TCF4: variants seen among roughly 807,000 people sequenced by gnomAD.
TCF4 encodes SL3-3 enhancer factor 2.
TCF4 carries 3 observed loss-of-function variants against 82.1 expected under a neutral mutation model. That is an observed-to-expected ratio of 0.04 (90% CI 0.02 to 0.09). The LOEUF (loss-of-function observed/expected upper bound fraction) is 0.09, where lower values mean the gene tolerates loss of function less well. Ranked by LOEUF, TCF4 falls within the 10% of genes least tolerant of loss-of-function variation. TCF4 has a pLI of 1.00. For missense variants in TCF4, 518 were observed against 852.7 expected (o/e 0.61, Z 4.89); for synonymous variants, 276 against 309.6 (o/e 0.89, Z 1.14).
chr18:55,519,898 T>C (rs1274516494), intron 3 of TCF4, among the ~76,000 whole-genome samples: 1 of 152,192 alleles, frequency 6.6e-6, no homozygotes, highest in African/African-American at 2.4e-5. Context: ...TGCTAAATGA[T>C]TCTAAAAAGA....
intron 3 of TCF4, among the ~76,000 whole-genome samples, chr18:55,473,263 A>C (rs2096225400): frequency 6.6e-6 from 1 of 152,106 alleles, no homozygotes; most frequent in Admixed American, 6.6e-5. Flanking sequence ...AGGCTGGCTT[A>C]ATTGAAATAT....
At chr18:55,470,529 T>C (rs570311219) in intron 3 of TCF4, among the ~76,000 whole-genome samples, 2 of 152,322 alleles carry the variant, frequency 1.3e-5, no homozygotes, top group South Asian at 2.1e-4. Flanking sequence ...AAATGACATG[T>C]TGTCAGAAGT....
intron 3 of TCF4, among the ~76,000 whole-genome samples, chr18:55,519,833 G>C (rs1421591717): frequency 6.6e-6 from 1 of 152,132 alleles, no homozygotes; most frequent in Admixed American, 6.5e-5. Flanking sequence ...TTTCCCAACT[G>C]CAAAAGCAAG....
At chr18:55,293,250 G>A (rs975800681) in intron 8 of TCF4, among the ~76,000 whole-genome samples, 1 of 152,114 alleles carries the variant, frequency 6.6e-6, no homozygotes, top group African/African-American at 2.4e-5. Context: ...TAGTAGAGAG[G>A]ACAAGATGAT....
intron 8 of TCF4, among the ~76,000 whole-genome samples, chr18:55,305,794 T>C (rs2070099127): frequency 6.6e-6 from 1 of 152,200 alleles, no homozygotes; most frequent in Non-Finnish European, 1.5e-5. Flanking sequence ...GTATTTTTAA[T>C]CAAGTGATTC....
At chr18:55,552,975 G>C (rs1426336598) in intron 3 of TCF4, among the ~76,000 whole-genome samples, 1 of 152,180 alleles carries the variant, frequency 6.6e-6, no homozygotes, top group African/African-American at 2.4e-5. Flanking sequence ...ATTTGCACTT[G>C]CGTACATTAT....
At chr18:55,592,431 G>C (rs2147928016), upstream of TCF4, among the ~76,000 whole-genome samples, 1 of 152,240 alleles carries the variant, frequency 6.6e-6, no homozygotes, top group African/African-American at 2.4e-5. Flanking sequence ...GAAAGAGAGA[G>C]CTTTGGTCTT....
intron 2 of TCF4, among the ~76,000 whole-genome samples, chr18:55,611,245 C>A (rs146621459): frequency 6.6e-6 from 1 of 152,180 alleles, no homozygotes; most frequent in South Asian, 2.1e-4. Context: ...AGGAGTGTGA[C>A]AGATCACAAC....
intron 3 of TCF4, among the ~76,000 whole-genome samples, chr18:55,566,416 T>A (rs2097407246): frequency 6.6e-6 from 1 of 152,086 alleles, no homozygotes; most frequent in African/African-American, 2.4e-5. Flanking sequence ...ACTTGTACCC[T>A]ATAAATTTAT....
intron 3 of TCF4, among the ~76,000 whole-genome samples, chr18:55,498,190 T>G (rs1330713074): frequency 6.6e-6 from 1 of 152,182 alleles, no homozygotes; most frequent in Non-Finnish European, 1.5e-5. Flanking sequence ...CTGCTGTTGC[T>G]CCCTGCCAGG....
At chr18:55,433,078 AT>A (rs1264713439) in intron 5 of TCF4, among the ~76,000 whole-genome samples, 1 of 152,206 alleles carries the variant, frequency 6.6e-6, no homozygotes, top group African/African-American at 2.4e-5. Context: ...TATCATCTCG[AT>A]AACTTATATT....
Position 55,297,037 on chromosome 18 carries a change from G to A in TCF4, c.550-17381C>T, listed in dbSNP as rs377288544. On this transcript the variant is annotated intron_variant, in intron 8 of 19. Transcript: ENST00000354452. ...CTATTTTTCAACCCATATGTATTTCGAGAGAAGCTTAATTCATATGTTTCT... is the reference window on the plus strand; with the variant it reads ...CTATTTTTCAACCCATATGTATTTCAAGAGAAGCTTAATTCATATGTTTCT... 9.2e-5 allele frequency among the ~76,000 whole-genome samples: 14 copies of A among 151,788 alleles called. No homozygotes were observed. In the East Asian group the frequency reaches 1.2e-3, roughly 13 times the overall value.
intron 6 of TCF4, among the ~76,000 whole-genome samples, chr18:55,390,943 G>A (rs768103658): frequency 4.6e-5 from 7 of 152,178 alleles, no homozygotes; most frequent in Non-Finnish European, 8.8e-5. Context: ...AGACTCAAGC[G>A]AGTCTTACGT....
intron 5 of TCF4, among the ~76,000 whole-genome samples, chr18:55,406,318 A>T (rs888663749): frequency 6.6e-6 from 1 of 152,038 alleles, no homozygotes; most frequent in Non-Finnish European, 1.5e-5. Context: ...TCAGAGCCAG[A>T]ACCCCTGTTT....
chr18:55,377,410 C>T (rs1373180071), intron 6 of TCF4, among the ~76,000 whole-genome samples: 1 of 152,124 alleles, frequency 6.6e-6, no homozygotes, highest in East Asian at 1.9e-4. Flanking sequence ...GCTTCCTCTA[C>T]CTAATGGACA....
At chr18:55,245,267 T>C (rs545925535) in intron 15 of TCF4, among the ~76,000 whole-genome samples, 58 of 152,332 alleles carry the variant, frequency 3.8e-4, no homozygotes, top group Non-Finnish European at 6.9e-4. Context: ...ACAGCCATAA[T>C]AAAAGTTAAA....
intron 5 of TCF4, among the ~76,000 whole-genome samples, chr18:55,445,953 GC>G (rs1387754418): frequency 1.3e-5 from 2 of 152,254 alleles, no homozygotes; most frequent in East Asian, 3.9e-4. Flanking sequence ...CCCAACCATG[GC>G]TCTAAGAGTT....
At chr18:55,293,220 T>A (rs551586957) in intron 8 of TCF4, among the ~76,000 whole-genome samples, 8 of 152,132 alleles carry the variant, frequency 5.3e-5, no homozygotes, top group African/African-American at 1.9e-4. Context: ...CAAGGGCCCA[T>A]CTGTAGGCAG....
chr18:55,433,885 C>T (rs1015285248), intron 5 of TCF4, among the ~76,000 whole-genome samples: 8 of 152,074 alleles, frequency 5.3e-5, no homozygotes, highest in Non-Finnish European at 8.8e-5. Context: ...TCCATGCGCA[C>T]GACACTGACA....
Sources: gnomAD v4.1 joint callset for allele counts (sites outside exome capture counted in the v4.1 genomes callset) on GRCh38, gnomAD v4.1.1 for gene constraint, MANE v1.5 for transcripts, NCBI Gene and HGNC (gene_info 2026-07-23, HGNC 2026-07-21) for gene names.